The following GNG7 variants were observed in gnomAD, a reference collection of about 807,000 sequenced individuals.
GNG7 encodes guanine nucleotide-binding protein G(I)/G(S)/G(O) subunit gamma-7.
In GNG7, 1 loss-of-function variant was observed where a neutral mutation model predicts 4.0. That is an observed-to-expected ratio of 0.25 (90% CI 0.09 to 1.18). GNG7 has a LOEUF of 1.18. Ranked by LOEUF, GNG7 falls within the 50% of genes most tolerant of loss-of-function variation. The probability of loss-of-function intolerance (pLI) is 0.50; values close to 1 mark genes in which losing one functional copy is unlikely to be tolerated. For synonymous variants in GNG7, 34 were observed against 36.9 expected (o/e 0.92, Z 0.29); for missense variants, 86 against 91.9 (o/e 0.94, Z 0.26).
intron 2 of GNG7, among the ~76,000 whole-genome samples, chr19:2,561,903 C>T (rs1979753266): frequency 6.6e-6 from 1 of 151,954 alleles, no homozygotes; most frequent in Admixed American, 6.6e-5. Context: ...ATGACACTGG[C>T]TTCTTTCTCT....
chr19:2,542,280 A>T (rs1364850184), intron 3 of GNG7, among the ~76,000 whole-genome samples: 4 of 151,426 alleles, frequency 2.6e-5, no homozygotes, highest in African/African-American at 9.7e-5. Flanking sequence ...ACATCCAGCT[A>T]ACTTTTGTAT....
In GNG7 at chr19:2,619,143, T is replaced by C. The variant is rs1335504393; in HGVS notation, c.-78+27081A>G. On this transcript the variant is annotated intron_variant, in intron 2 of 4. Coordinates refer to ENST00000382159, the MANE Select transcript of GNG7 (RefSeq NM_052847.3). ...GTTTTGATTTCAAATTCAACAAATA[T>C]CCGTAAGTAGAAGGCATATAAACAA... is the stretch of plus-strand genomic sequence containing the variant. 2.6e-5 allele frequency among the ~76,000 whole-genome samples: 4 copies of C among 152,196 alleles called. No individual in the cohort carries two copies. In the East Asian group the frequency reaches 7.7e-4, roughly 29 times the overall value.
At chr19:2,567,720 A>G (rs897348664) in intron 2 of GNG7, among the ~76,000 whole-genome samples, 1 of 152,072 alleles carries the variant, frequency 6.6e-6, no homozygotes, top group African/African-American at 2.4e-5. Context: ...TGGGCCACAG[A>G]GCCGAAAACA....
intron 2 of GNG7, among the ~76,000 whole-genome samples, chr19:2,556,803 G>C (rs550980204): frequency 6.6e-6 from 1 of 152,136 alleles, no homozygotes; most frequent in Non-Finnish European, 1.5e-5. Flanking sequence ...ATTGTTCTCC[G>C]GGGCGGGAGC....
At chr19:2,587,236 G>A (rs1980702674) in intron 2 of GNG7, among the ~76,000 whole-genome samples, 1 of 152,060 alleles carries the variant, frequency 6.6e-6, no homozygotes, top group African/African-American at 2.4e-5. Context: ...TCGTCCCTGA[G>A]CATCTGGCTC....
chr19:2,643,946 A>T, intron 2 of GNG7: 1 of 231,074 alleles, frequency 4.3e-6, no homozygotes, highest in Non-Finnish European at 8.7e-6. Context: ...GAAGTCCTTT[A>T]CATTTTTATG....
chr19:2,684,552 C>T (rs1320111278), intron 1 of GNG7, among the ~76,000 whole-genome samples: 1 of 152,184 alleles, frequency 6.6e-6, no homozygotes, highest in East Asian at 1.9e-4. Flanking sequence ...CAGCCTTCAA[C>T]AGCAGGCAAT....
Position 2,514,886 on chromosome 19 carries a change from T to C in GNG7, c.*136A>G, listed in dbSNP as rs1972709303. The C allele has an allele frequency of 7.0e-6, 5 of 710,002 alleles. No homozygotes were observed. In the South Asian group the frequency reaches 7.6e-5, roughly 11 times the overall value. 44.0% of individuals were successfully genotyped at this position (710,002 alleles called of 1,614,324 possible). On this transcript the variant is annotated 3_prime_UTR_variant, in exon 5 of 5. Transcript: ENST00000382159. ...TGGCGGGGAGAGGGGGGATTTCTTT[T>C]GGAATTAAAGGTTTTGGGGACTTGA...
intron 1 of GNG7, among the ~76,000 whole-genome samples, chr19:2,694,209 T>A (rs1249133791): frequency 6.6e-6 from 1 of 151,484 alleles, no homozygotes; most frequent in African/African-American, 2.4e-5. Context: ...ATCTACATTT[T>A]GGGGAGATTT....
intron 2 of GNG7, among the ~76,000 whole-genome samples, chr19:2,598,611 C>A (rs537430973): frequency 6.6e-6 from 1 of 151,254 alleles, no homozygotes; most frequent in East Asian, 1.9e-4. Flanking sequence ...GAGCTGAGAT[C>A]GCGCCACTGC....
chr19:2,520,374 T>G (rs1386667347), intron 4 of GNG7, among the ~76,000 whole-genome samples: 1 of 152,148 alleles, frequency 6.6e-6, no homozygotes, highest in African/African-American at 2.4e-5. Flanking sequence ...GGCCCCAGTG[T>G]GTTTACAAAG....
At chr19:2,565,129 TC>T (rs1404541864) in intron 2 of GNG7, among the ~76,000 whole-genome samples, 1 of 152,278 alleles carries the variant, frequency 6.6e-6, no homozygotes, top group East Asian at 1.9e-4. Flanking sequence ...GATGACGCCT[TC>T]CTGTTGGAAT....
chr19:2,658,065 C>T (rs574581698), intron 1 of GNG7, among the ~76,000 whole-genome samples: 1 of 152,092 alleles, frequency 6.6e-6, no homozygotes, highest in African/African-American at 2.4e-5. Flanking sequence ...GGGCCACTAC[C>T]GGTCTTCATG....
intron 3 of GNG7, among the ~76,000 whole-genome samples, chr19:2,531,360 C>T (rs1978580497): frequency 6.7e-6 from 1 of 149,680 alleles, no homozygotes. Flanking sequence ...CAGACAGGTC[C>T]TTCTAGCAAC....
intron 2 of GNG7, among the ~76,000 whole-genome samples, chr19:2,568,297 ACG>A (rs377404035): frequency 1.2e-3 from 87 of 73,142 alleles, no homozygotes; most frequent in East Asian, 5.7e-3. Context: ...ACATATACAC[ACG>A]CACACACATA....
At chr19:2,672,493 C>T (rs1318254154) in intron 1 of GNG7, among the ~76,000 whole-genome samples, 4 of 151,162 alleles carry the variant, frequency 2.6e-5, no homozygotes, top group Admixed American at 1.3e-4. Context: ...GTCATCCAGG[C>T]TGGAGTGCAG....
intron 2 of GNG7, among the ~76,000 whole-genome samples, chr19:2,585,275 A>G (rs1568253068): frequency 6.6e-6 from 1 of 152,192 alleles, no homozygotes; most frequent in Non-Finnish European, 1.5e-5. Context: ...CTGTGTATAC[A>G]TAACTGCATA....
At chr19:2,560,196 G>A (rs905391742) in intron 2 of GNG7, among the ~76,000 whole-genome samples, 2 of 152,044 alleles carry the variant, frequency 1.3e-5, no homozygotes, top group Non-Finnish European at 2.9e-5. Flanking sequence ...TACACACCAA[G>A]CCGGCGAATT....
At chr19:2,636,854 A>G (rs1982320811) in intron 2 of GNG7, among the ~76,000 whole-genome samples, 1 of 152,000 alleles carries the variant, frequency 6.6e-6, no homozygotes, top group Admixed American at 6.6e-5. Flanking sequence ...CATCTGGGAT[A>G]CAGTCAGTAT....
Sources: allele counts gnomAD v4.1 joint callset (sites outside exome capture counted in the v4.1 genomes callset), GRCh38; gene constraint gnomAD v4.1.1; transcripts MANE v1.5; gene names NCBI Gene and HGNC (gene_info 2026-07-23, HGNC 2026-07-21).